DLGAP1: variants seen among roughly 807,000 people sequenced by gnomAD.
DLGAP1 encodes disks large-associated protein 1.
In DLGAP1, 11 loss-of-function variants were observed where a neutral mutation model predicts 90.8. The observed-to-expected ratio is 0.12, with a 90% CI of 0.08 to 0.20. DLGAP1 has a LOEUF of 0.20. DLGAP1 is among the 10% of genes least tolerant of loss of function. DLGAP1 has a pLI of 1.00. For missense variants in DLGAP1, 1,050 were observed against 1,333.8 expected (o/e 0.79, Z 3.31); for synonymous variants, 558 against 540.7 (o/e 1.03, Z -0.44).
chr18:4,438,515 C>T lies in DLGAP1; in HGVS notation c.-267+16491G>A, dbSNP rs541325771. On this transcript the variant is annotated intron_variant, in intron 1 of 12. Coordinates refer to ENST00000315677, the MANE Select transcript of DLGAP1 (RefSeq NM_004746.4). ...AAAGCAACTGTTTAAATCTCTCATG[C>T]CCCCTCCTAGAGCCTCATCTTGTAC... Among the ~76,000 whole-genome samples, 19 of 150,434 alleles carry T rather than the reference C, an allele frequency of 1.3e-4. 1 individual carries two copies. The South Asian group carries it at 3.0e-3, about 23-fold the overall frequency.
intron 3 of DLGAP1, chr18:3,978,186 C>A: frequency 2.4e-6 from 1 of 422,078 alleles, no homozygotes; most frequent in Non-Finnish European, 4.6e-6. Flanking sequence ...GCACAGGAGG[C>A]GTTGCCGATG....
At chr18:3,975,521 G>GC (rs1787710786) in intron 3 of DLGAP1, among the ~76,000 whole-genome samples, 1 of 152,170 alleles carries the variant, frequency 6.6e-6, no homozygotes, top group Non-Finnish European at 1.5e-5. Context: ...CTTGGTGGTT[G>GC]TTAAAAAAAT....
intron 4 of DLGAP1, among the ~76,000 whole-genome samples, chr18:3,842,543 C>T (rs1300520138): frequency 6.7e-6 from 1 of 150,150 alleles, no homozygotes; most frequent in Non-Finnish European, 1.5e-5. Flanking sequence ...GGGATCGTGG[C>T]AAAAGGAATG....
Position 4,038,604 on chromosome 18 carries a change from A to G in DLGAP1, c.-158-33403T>C, listed in dbSNP as rs8089516. Reference sequence around the variant, plus strand: ...ACAAAATGCAAGGGTGAAAAGAGAGAAGGAAGGCAGTTAAGGATCTAGCCG... The same window carrying G: ...ACAAAATGCAAGGGTGAAAAGAGAGGAGGAAGGCAGTTAAGGATCTAGCCG... On this transcript the variant is annotated intron_variant, in intron 2 of 12. Coordinates refer to ENST00000315677, the MANE Select transcript of DLGAP1 (RefSeq NM_004746.4). 4.7e-3 allele frequency among the ~76,000 whole-genome samples: 715 copies of G among 152,314 alleles called. 5 individuals carry two copies. Among genetic ancestry groups the G allele is most frequent in the African/African-American group, 0.016 (675 of 41,562 alleles).
chr18:4,039,301 C>T (rs985142684), intron 2 of DLGAP1, among the ~76,000 whole-genome samples: 4 of 152,108 alleles, frequency 2.6e-5, no homozygotes, highest in Admixed American at 2.6e-4. Context: ...CAGAACCTTC[C>T]CAACAGGAGA....
chr18:3,870,312 C>T (rs143276705), intron 4 of DLGAP1, among the ~76,000 whole-genome samples: 3 of 152,298 alleles, frequency 2.0e-5, no homozygotes, highest in East Asian at 3.9e-4. Context: ...ATATGATTCT[C>T]TACAGGCATA....
At chr18:3,966,537 T>A (rs920173837) in intron 3 of DLGAP1, among the ~76,000 whole-genome samples, 12 of 151,768 alleles carry the variant, frequency 7.9e-5, no homozygotes, top group Non-Finnish European at 1.8e-4. Context: ...GATGAGATAC[T>A]AAAAAAAATC....
chr18:4,398,436 T>C (rs765441218), intron 1 of DLGAP1, among the ~76,000 whole-genome samples: 2 of 152,236 alleles, frequency 1.3e-5, no homozygotes, highest in Non-Finnish European at 2.9e-5. Context: ...TTAGCGGATA[T>C]GCTATGGACA....
intron 3 of DLGAP1, among the ~76,000 whole-genome samples, chr18:3,994,327 A>G (rs1412270669): frequency 2.0e-5 from 3 of 152,076 alleles, no homozygotes; most frequent in African/African-American, 7.2e-5. Context: ...CCTTCCCTTC[A>G]TCTGACTCTT....
intron 5 of DLGAP1, among the ~76,000 whole-genome samples, chr18:3,783,395 T>G (rs1412499984): frequency 6.6e-6 from 1 of 152,138 alleles, no homozygotes; most frequent in East Asian, 1.9e-4. Context: ...AGTGAAACAA[T>G]CCAAAGTTCA....
intron 10 of DLGAP1, among the ~76,000 whole-genome samples, chr18:3,533,607 C>T (rs1405722483): frequency 6.6e-6 from 1 of 152,122 alleles, no homozygotes; most frequent in Non-Finnish European, 1.5e-5. Context: ...TGGGTTCTTG[C>T]TCTGTCACCC....
chr18:4,010,537 C>T (rs966567326), intron 2 of DLGAP1, among the ~76,000 whole-genome samples: 1 of 152,076 alleles, frequency 6.6e-6, no homozygotes, highest in Non-Finnish European at 1.5e-5. Flanking sequence ...GACAGTGAGA[C>T]TCTGTCTAAA....
chr18:3,715,613 T>C (rs1188336551), intron 7 of DLGAP1, among the ~76,000 whole-genome samples: 1 of 152,208 alleles, frequency 6.6e-6, no homozygotes, highest in Non-Finnish European at 1.5e-5. Flanking sequence ...CGAGAGCACT[T>C]TCCCTTTCTG....
chr18:3,991,465 C>T (rs911183267), intron 3 of DLGAP1, among the ~76,000 whole-genome samples: 4 of 152,136 alleles, frequency 2.6e-5, no homozygotes, highest in African/African-American at 9.7e-5. Flanking sequence ...TGGCCAGTGG[C>T]AGTGGTGGGA....
chr18:4,012,181 C>A (rs927233846), intron 2 of DLGAP1, among the ~76,000 whole-genome samples: 1 of 152,152 alleles, frequency 6.6e-6, no homozygotes, highest in African/African-American at 2.4e-5. Context: ...CCTCCCCCAG[C>A]CAAGGGAGTG....
intron 5 of DLGAP1, among the ~76,000 whole-genome samples, chr18:3,806,772 T>A (rs1345429791): frequency 6.6e-6 from 1 of 151,714 alleles, no homozygotes; most frequent in Non-Finnish European, 1.5e-5. Flanking sequence ...AAGTGAGGAG[T>A]CTTTGTTGCC....
chr18:3,562,620 C>T (rs955078107), intron 9 of DLGAP1, among the ~76,000 whole-genome samples: 28 of 146,032 alleles, frequency 1.9e-4, no homozygotes, highest in African/African-American at 7.1e-4. Context: ...TCTCGGCTCA[C>T]TGCAGCTTCC....
chr18:3,629,721 A>AT (rs142261231), intron 7 of DLGAP1, among the ~76,000 whole-genome samples: 1 of 151,886 alleles, frequency 6.6e-6, no homozygotes, highest in Admixed American at 6.6e-5. Flanking sequence ...TAATGAAATA[A>AT]TTTTTTGCTA....
chr18:3,832,193 A>G (rs1025851359), intron 4 of DLGAP1, among the ~76,000 whole-genome samples: 1 of 152,248 alleles, frequency 6.6e-6, no homozygotes, highest in East Asian at 1.9e-4. Flanking sequence ...TTCAGTCTTT[A>G]GTATCCTCTC....
Sources: allele counts gnomAD v4.1 joint callset (sites outside exome capture counted in the v4.1 genomes callset), GRCh38; gene constraint gnomAD v4.1.1; transcripts MANE v1.5; gene names NCBI Gene and HGNC (gene_info 2026-07-23, HGNC 2026-07-21).